XKR4: variants seen among roughly 807,000 people sequenced by gnomAD.
XKR4 encodes the protein XK-related protein 4.
Under a neutral mutation model 53.9 loss-of-function variants are expected in XKR4, and 12 were observed. The observed-to-expected ratio is 0.22, with a 90% CI of 0.14 to 0.36. The LOEUF is 0.36. XKR4 is among the 10% of genes least tolerant of loss of function. XKR4 has a pLI of 1.00. For synonymous variants in XKR4, 354 were observed against 362.4 expected (o/e 0.98, Z 0.26); for missense variants, 799 against 859.5 (o/e 0.93, Z 0.88).
chr8:55,329,262 C>T (rs1461689872), intron 1 of XKR4, among the ~76,000 whole-genome samples: 2 of 152,144 alleles, frequency 1.3e-5, no homozygotes, highest in African/African-American at 4.8e-5. Context: ...CCAAATTAGC[C>T]TATAGAGTCT....
intron 1 of XKR4, among the ~76,000 whole-genome samples, chr8:55,202,054 A>G (rs1817582767): frequency 6.6e-6 from 1 of 152,206 alleles, no homozygotes; most frequent in African/African-American, 2.4e-5. Context: ...CTGCTCAAGA[A>G]TTTTCCCACT....
At chr8:55,256,955 G>A (rs531826697) in intron 1 of XKR4, among the ~76,000 whole-genome samples, 15 of 152,314 alleles carry the variant, frequency 9.8e-5, no homozygotes, top group African/African-American at 3.6e-4. Context: ...TGTCTGGTGA[G>A]GGCCCATTCT....
chr8:55,365,728 G>A (rs1035328559), intron 2 of XKR4, among the ~76,000 whole-genome samples: 6 of 139,850 alleles, frequency 4.3e-5, no homozygotes, highest in Non-Finnish European at 6.3e-5. Flanking sequence ...AAAAAAAAAA[G>A]GGATTTAGAT....
intron 2 of XKR4, among the ~76,000 whole-genome samples, chr8:55,432,475 A>G (rs1321579328): frequency 6.6e-6 from 1 of 152,210 alleles, no homozygotes; most frequent in African/African-American, 2.4e-5. Flanking sequence ...TGATCCTTGC[A>G]TCGCCAGTTT....
At chr8:55,285,355 G>T (rs913820490) in intron 1 of XKR4, among the ~76,000 whole-genome samples, 7 of 152,098 alleles carry the variant, frequency 4.6e-5, no homozygotes, top group Non-Finnish European at 7.3e-5. Context: ...GTCTATGATG[G>T]GAAGTGGGAA....
chr8:55,277,901 A>G (rs1818785736), intron 1 of XKR4, among the ~76,000 whole-genome samples: 1 of 152,248 alleles, frequency 6.6e-6, no homozygotes, highest in Non-Finnish European at 1.5e-5. Flanking sequence ...TCAAAATAAA[A>G]AAATATGTGA....
intron 1 of XKR4, among the ~76,000 whole-genome samples, chr8:55,210,069 A>C (rs1300033781): frequency 2.8e-5 from 4 of 140,488 alleles, no homozygotes; most frequent in African/African-American, 1.0e-4. Flanking sequence ...CTAGAGTTTT[A>C]TGCCTTCATC....
intron 2 of XKR4, among the ~76,000 whole-genome samples, chr8:55,481,223 A>G (rs530888449): frequency 6.6e-6 from 1 of 152,214 alleles, no homozygotes; most frequent in Middle Eastern, 3.2e-3. Flanking sequence ...AACAGAACAG[A>G]GCCCTTAGAA....
At chr8:55,301,192 G>A in intron 1 of XKR4, among the ~76,000 whole-genome samples, 1 of 125,146 alleles carries the variant, frequency 8.0e-6, no homozygotes, top group Non-Finnish European at 1.6e-5. Flanking sequence ...TCCCCTTCCT[G>A]TGTCCATGTG....
intron 2 of XKR4, chr8:55,449,924 T>A: frequency 1.1e-6 from 1 of 870,760 alleles, no homozygotes; most frequent in African/African-American, 1.6e-5. Context: ...GTCGAGCCTC[T>A]ATTCTGGTCA....
intron 1 of XKR4, among the ~76,000 whole-genome samples, chr8:55,219,187 C>T (rs1376034135): frequency 1.3e-5 from 2 of 152,170 alleles, no homozygotes; most frequent in Non-Finnish European, 2.9e-5. Flanking sequence ...GCAGTAATGC[C>T]TAAGGTACCT....
chr8:55,452,187 C>G, intron 2 of XKR4: 1 of 722,112 alleles, frequency 1.4e-6, no homozygotes, highest in Non-Finnish European at 2.4e-6. Context: ...ACTGTCAGAC[C>G]CCACCTCCTC....
chr8:55,240,983 C>T (rs1818202673), intron 1 of XKR4, among the ~76,000 whole-genome samples: 1 of 152,188 alleles, frequency 6.6e-6, no homozygotes, highest in South Asian at 2.1e-4. Context: ...GATGACTTCA[C>T]ATGGTAATCA....
At chr8:55,515,150 G>A (rs551129081) in intron 2 of XKR4, among the ~76,000 whole-genome samples, 9 of 152,050 alleles carry the variant, frequency 5.9e-5, no homozygotes, top group South Asian at 4.2e-4. Context: ...CATCTCCTCA[G>A]CAGACTCACA....
chr8:55,429,517 T>C (rs573201590), intron 2 of XKR4, among the ~76,000 whole-genome samples: 3 of 152,160 alleles, frequency 2.0e-5, no homozygotes, highest in East Asian at 3.9e-4. Flanking sequence ...AAGACCAGCC[T>C]GGGCAACATA....
At chr8:55,182,196 T>A (rs1015752852) in intron 1 of XKR4, among the ~76,000 whole-genome samples, 1 of 152,178 alleles carries the variant, frequency 6.6e-6, no homozygotes, top group African/African-American at 2.4e-5. Flanking sequence ...AAATGTTACC[T>A]TCCAGCCTGT....
intron 1 of XKR4, among the ~76,000 whole-genome samples, chr8:55,128,129 A>G (rs1816499132): frequency 6.6e-6 from 1 of 151,982 alleles, no homozygotes; most frequent in South Asian, 2.1e-4. Flanking sequence ...TGGTATTTCT[A>G]GTTCTAGATC....
intron 1 of XKR4, among the ~76,000 whole-genome samples, chr8:55,169,116 G>A (rs183851575): frequency 5.3e-5 from 8 of 152,086 alleles, no homozygotes; most frequent in East Asian, 1.9e-4. Context: ...TTTTTAACAC[G>A]TGCCCTTTAA....
chr8:55,403,313 C>G (rs1291292618), intron 2 of XKR4, among the ~76,000 whole-genome samples: 2 of 152,158 alleles, frequency 1.3e-5, no homozygotes, highest in African/African-American at 4.8e-5. Flanking sequence ...CAGCCAATTA[C>G]TTGGGCTTTT....
Sources: allele counts gnomAD v4.1 joint callset (sites outside exome capture counted in the v4.1 genomes callset), GRCh38; gene constraint gnomAD v4.1.1; transcripts MANE v1.5; gene names NCBI Gene and HGNC (gene_info 2026-07-23, HGNC 2026-07-21).